Variants in ACYP2 observed in about 807,000 individuals in gnomAD.
ACYP2 encodes acylphosphatase-2.
Under a neutral mutation model 11.2 loss-of-function variants are expected in ACYP2, and 12 were observed. That is an observed-to-expected ratio of 1.08 (90% CI 0.69 to 1.74). The LOEUF is 1.74. Among genes scored for constraint, ACYP2 ranks in the 40% most tolerant of loss-of-function variants. ACYP2 has a pLI of 0.00. For missense variants in ACYP2, 134 were observed against 101.9 expected, an observed-to-expected ratio of 1.31 and a Z score of -1.35; for synonymous variants, 43 against 32.2, an observed-to-expected ratio of 1.33 and a Z score of -1.13.
intron 3 of ACYP2, among the ~76,000 whole-genome samples, chr2:54,054,703 T>C (rs373289759): frequency 2.0e-5 from 3 of 152,210 alleles, no homozygotes; most frequent in African/African-American, 4.8e-5. Context: ...GTTCATAAAA[T>C]AAGATGCATT....
At chr2:54,066,863 A>G (rs547325212) in intron 4 of ACYP2, among the ~76,000 whole-genome samples, 19 of 152,352 alleles carry the variant, frequency 1.2e-4, no homozygotes, top group Admixed American at 8.5e-4. Flanking sequence ...ATTATAAATT[A>G]GGATGAGAAA....
chr2:54,200,438 C>G (rs887754970), intron 6 of ACYP2, among the ~76,000 whole-genome samples: 8 of 152,114 alleles, frequency 5.3e-5, no homozygotes, highest in Non-Finnish European at 8.8e-5. Context: ...ACCCTCAAAC[C>G]CTGGCAACCA....
chr2:54,230,817 T>C (rs1686202343), intron 6 of ACYP2, among the ~76,000 whole-genome samples: 1 of 146,692 alleles, frequency 6.8e-6, no homozygotes, highest in South Asian at 2.2e-4. Flanking sequence ...AACCAATGTA[T>C]TTCTTTCTTT....
intron 4 of ACYP2, among the ~76,000 whole-genome samples, chr2:54,096,988 G>A (rs541141978): frequency 3.0e-4 from 46 of 152,310 alleles, no homozygotes; most frequent in Non-Finnish European, 2.8e-4. Context: ...AGCCTTACAG[G>A]CATGAGCCCC....
In ACYP2 at chr2:54,023,884, A is replaced by G. The variant is rs150626190; in HGVS notation, c.63-27074A>G. 2.6e-3 allele frequency among the ~76,000 whole-genome samples: 392 copies of G among 152,318 alleles called. 1 individual carries two copies. Among genetic ancestry groups the G allele is most frequent in the Non-Finnish European group, 4.0e-3 (270 of 68,034 alleles). ...ACCAGACATTCAAAGAAGAAGTGGT[A>G]CCAATTCTGTTGACACTATTCCAGA... On this transcript the variant is annotated intron_variant, in intron 2 of 6. Transcript: ENST00000607452.
At chr2:54,041,534 C>T (rs1042438541) in intron 2 of ACYP2, among the ~76,000 whole-genome samples, 1 of 152,164 alleles carries the variant, frequency 6.6e-6, no homozygotes, top group African/African-American at 2.4e-5. Context: ...TTACTCAAAA[C>T]TTATGATCAT....
intron 4 of ACYP2, among the ~76,000 whole-genome samples, chr2:54,067,747 A>G (rs1052417744): frequency 3.3e-5 from 5 of 152,222 alleles, no homozygotes; most frequent in Non-Finnish European, 5.9e-5. Context: ...ACTTACTAAT[A>G]TATCCAAAGA....
chr2:54,127,098 G>GTT (rs1680560992), intron 4 of ACYP2, among the ~76,000 whole-genome samples: 1 of 139,412 alleles, frequency 7.2e-6, no homozygotes, highest in African/African-American at 2.7e-5. Context: ...ATGAATAGCT[G>GTT]CTTTTTTTTT....
chr2:54,273,423 A>T (rs1307374135), intron 6 of ACYP2, among the ~76,000 whole-genome samples: 2 of 152,186 alleles, frequency 1.3e-5, no homozygotes, highest in Non-Finnish European at 2.9e-5. Flanking sequence ...ATGGTTTTTA[A>T]ACTTAAAATC....
At chr2:53,980,091 C>T (rs1190066221) in intron 2 of ACYP2, among the ~76,000 whole-genome samples, 1 of 152,088 alleles carries the variant, frequency 6.6e-6, no homozygotes, top group East Asian at 1.9e-4. Context: ...ATCTCTAATC[C>T]CAGCAGTTTG....
At chr2:54,049,263 A>AAATAATAAT (rs10617454) in intron 2 of ACYP2, among the ~76,000 whole-genome samples, 1 of 151,498 alleles carries the variant, frequency 6.6e-6, no homozygotes, top group African/African-American at 2.4e-5. Flanking sequence ...CCCATCTCAA[A>AAATAATAAT]AATAATAATA....
chr2:54,301,581 A>G (rs2104170640), intron 6 of ACYP2, among the ~76,000 whole-genome samples: 1 of 152,186 alleles, frequency 6.6e-6, no homozygotes, highest in East Asian at 1.9e-4. Context: ...TATTTACTGA[A>G]TTGTAATAAC....
intron 6 of ACYP2, among the ~76,000 whole-genome samples, chr2:54,187,859 GGAGGA>G (rs1684073979): frequency 6.6e-6 from 1 of 152,166 alleles, no homozygotes; most frequent in Non-Finnish European, 1.5e-5. Context: ...GGGCCTAATG[GGAGGA>G]GTTTAGGTGG....
In ACYP2 at chr2:54,256,141, G is replaced by A. The variant is rs113932278; in HGVS notation, c.405-48547G>A. On this transcript the variant is annotated intron_variant, in intron 6 of 6. Transcript: ENST00000607452. ...AGTAGCGGGGCTGTGAGGACTCTCC[G>A]GGAGGCTCATGTTGGTAGCGGCCAG... 1,286 of 1,611,858 alleles carry A rather than the reference G, an allele frequency of 8.0e-4. 12 individuals are homozygous for A. The African/African-American group carries it at 0.014, about 17-fold the overall frequency.
At chr2:54,096,259 C>G (rs1472537239) in intron 4 of ACYP2, among the ~76,000 whole-genome samples, 1 of 144,976 alleles carries the variant, frequency 6.9e-6, no homozygotes, top group African/African-American at 2.6e-5. Flanking sequence ...AGGCGCTCCC[C>G]ACATCTCAGA....
At chr2:54,074,308 A>G (rs749622139) in intron 4 of ACYP2, among the ~76,000 whole-genome samples, 1 of 152,124 alleles carries the variant, frequency 6.6e-6, no homozygotes. Flanking sequence ...TTGGGCCACT[A>G]CACTCCAGCC....
chr2:54,179,449 G>A lies in ACYP2; in HGVS notation c.404+40701G>A, dbSNP rs1683612674. 2.6e-5 allele frequency among the ~76,000 whole-genome samples: 4 copies of A among 152,298 alleles called. No homozygotes were observed. The South Asian group carries it at 8.3e-4, about 32-fold the overall frequency. On this transcript the variant is annotated intron_variant, in intron 6 of 6. Transcript: ENST00000607452. ...TCAGGGCAAGTCGGCGGAGTAAAGTGAAAGCAAGCTTATTAGGAAAGTAAA... is the reference window on the plus strand; with the variant it reads ...TCAGGGCAAGTCGGCGGAGTAAAGTAAAAGCAAGCTTATTAGGAAAGTAAA...
chr2:54,158,401 T>C (rs972321833), intron 6 of ACYP2, among the ~76,000 whole-genome samples: 2 of 152,040 alleles, frequency 1.3e-5, no homozygotes, highest in Non-Finnish European at 2.9e-5. Context: ...AGACGGGGTC[T>C]CACTGTGTTG....
chr2:54,029,508 T>C (rs1674472114), intron 2 of ACYP2: 1 of 383,156 alleles, frequency 2.6e-6, no homozygotes, highest in Non-Finnish European at 5.0e-6. Flanking sequence ...AGGGAAGTGG[T>C]TCCAGCAACT....
Sources: gnomAD v4.1 joint callset for allele counts (sites outside exome capture counted in the v4.1 genomes callset) on GRCh38, gnomAD v4.1.1 for gene constraint, MANE v1.5 for transcripts, NCBI Gene and HGNC (gene_info 2026-07-23, HGNC 2026-07-21) for gene names.